The following ST8SIA6 variants were observed in gnomAD, a reference collection of about 807,000 sequenced individuals.
ST8SIA6 encodes alpha-2,8-sialyltransferase 8F.
ST8SIA6 carries 39 observed loss-of-function variants against 33.6 expected under a neutral mutation model. That is an observed-to-expected ratio of 1.16 (90% confidence interval 0.90 to 1.52). The LOEUF (loss-of-function observed/expected upper bound fraction) is 1.52, where lower values mean the gene tolerates loss of function less well. Among genes scored for constraint, ST8SIA6 ranks in the 40% most tolerant of loss-of-function variants. The pLI is 0.00. For synonymous variants in ST8SIA6, 172 were observed against 167.2 expected, an observed-to-expected ratio of 1.03 and a Z score of -0.22; for missense variants, 441 against 443.8, an observed-to-expected ratio of 0.99 and a Z score of 0.06.
rs951218812 is a variant in ST8SIA6, at chr10:17,317,289, T to C, written c.*3589A>G. 2.3e-4 allele frequency among the ~76,000 whole-genome samples: 35 copies of C among 152,156 alleles called. No individual in the cohort carries two copies. The highest frequency in any genetic ancestry group is 2.2e-3 in the Admixed American group (33 of 15,266). On this transcript the variant is annotated 3_prime_UTR_variant, in exon 8 of 8. Transcript: ENST00000377602. ...AAGAAGAATGCTTCTGGAAGAGTGA[T>C]GACCCAAAATAAGAAAGACCATGAG...
chr10:17,431,193 T>G (rs912803859), intron 2 of ST8SIA6, among the ~76,000 whole-genome samples: 8 of 152,224 alleles, frequency 5.3e-5, no homozygotes, highest in Non-Finnish European at 1.0e-4. Flanking sequence ...CTGCCACCTT[T>G]GGCCGACATG....
chr10:17,431,163 G>A (rs144214917), intron 2 of ST8SIA6, among the ~76,000 whole-genome samples: 6 of 152,236 alleles, frequency 3.9e-5, no homozygotes, highest in Middle Eastern at 3.4e-3. Context: ...TCTCAACTGT[G>A]ATGCAGACTG....
At chr10:17,440,610 C>T (rs1026909126) in intron 2 of ST8SIA6, among the ~76,000 whole-genome samples, 7 of 152,246 alleles carry the variant, frequency 4.6e-5, no homozygotes, top group Non-Finnish European at 7.4e-5. Flanking sequence ...TGCACTACAC[C>T]GGCTATGCAC....
intron 5 of ST8SIA6, among the ~76,000 whole-genome samples, chr10:17,330,393 T>A (rs1848258982): frequency 6.6e-6 from 1 of 152,200 alleles, no homozygotes; most frequent in South Asian, 2.1e-4. Context: ...TTCCTTATCA[T>A]CTTTTCAATC....
intron 3 of ST8SIA6, among the ~76,000 whole-genome samples, chr10:17,382,376 C>A (rs1450059414): frequency 6.6e-6 from 1 of 152,146 alleles, no homozygotes; most frequent in Non-Finnish European, 1.5e-5. Context: ...AGCAGTTCTC[C>A]TGCCTCGGCC....
At chr10:17,368,304 G>A (rs1424956751) in intron 3 of ST8SIA6, among the ~76,000 whole-genome samples, 1 of 145,314 alleles carries the variant, frequency 6.9e-6, no homozygotes, top group African/African-American at 2.6e-5. Flanking sequence ...CTACTCGTGA[G>A]GCTGAGGCAG....
At chr10:17,330,426 G>A (rs1356710734) in intron 5 of ST8SIA6, among the ~76,000 whole-genome samples, 2 of 152,074 alleles carry the variant, frequency 1.3e-5, no homozygotes, top group Non-Finnish European at 2.9e-5. Flanking sequence ...AGGGCGTCAT[G>A]AGAAAGCTTT....
chr10:17,378,448 A>C (rs190363227), intron 3 of ST8SIA6, among the ~76,000 whole-genome samples: 36 of 152,320 alleles, frequency 2.4e-4, no homozygotes, highest in Non-Finnish European at 4.4e-4. Context: ...CTGTCAAGGA[A>C]TATAGCCAGC....
chr10:17,416,134 A>G (rs1049673900), intron 2 of ST8SIA6, among the ~76,000 whole-genome samples: 1 of 152,038 alleles, frequency 6.6e-6, no homozygotes, highest in Non-Finnish European at 1.5e-5. Flanking sequence ...ATCTTTCAAG[A>G]ACACCTGACC....
rs1472781932 is a variant in ST8SIA6 at position 17,316,205 on chromosome 10, G to A, written c.*4673C>T. Among the ~76,000 whole-genome samples, 5 of 151,944 alleles carry A rather than the reference G, an allele frequency of 3.3e-5. No individual in the cohort carries two copies. Among genetic ancestry groups the A allele is most frequent in the East Asian group, 1.9e-4 (1 of 5,194 alleles). On this transcript the variant is annotated 3_prime_UTR_variant, in exon 8 of 8. Transcript: ENST00000377602. The stretch of plus-strand genomic sequence containing the variant: ...TGGGTACCCTTCTTGTATTTGACAC[G>A]TAGCCTTGAATATGTTTGTATGTAT...
At chr10:17,332,103 T>A (rs7069637) in intron 4 of ST8SIA6, among the ~76,000 whole-genome samples, 1 of 152,222 alleles carries the variant, frequency 6.6e-6, no homozygotes, top group Non-Finnish European at 1.5e-5. Flanking sequence ...TTCATCCATG[T>A]CCCTGCAAAG....
intron 2 of ST8SIA6, among the ~76,000 whole-genome samples, chr10:17,429,127 G>T (rs1852024548): frequency 6.6e-6 from 1 of 151,686 alleles, no homozygotes; most frequent in South Asian, 2.1e-4. Flanking sequence ...AGTATTAGTA[G>T]ATATATCTCT....
At chr10:17,326,308 G>A (rs1848127112) in intron 6 of ST8SIA6, among the ~76,000 whole-genome samples, 1 of 152,124 alleles carries the variant, frequency 6.6e-6, no homozygotes, top group African/African-American at 2.4e-5. Flanking sequence ...CTTACTCTTT[G>A]AAAAGGTGCA....
chr10:17,377,942 C>T (rs767292369), intron 3 of ST8SIA6, among the ~76,000 whole-genome samples: 11 of 152,246 alleles, frequency 7.2e-5, no homozygotes, highest in East Asian at 1.9e-4. Context: ...ACAATACAAC[C>T]GAAAAATTAG....
intron 3 of ST8SIA6, among the ~76,000 whole-genome samples, chr10:17,361,663 T>C (rs1849394174): frequency 1.4e-5 from 2 of 147,286 alleles, no homozygotes; most frequent in African/African-American, 2.5e-5. Context: ...CCCAACTCAC[T>C]ATATGAGAAC....
intron 3 of ST8SIA6, among the ~76,000 whole-genome samples, chr10:17,381,262 G>A (rs1013156119): frequency 1.3e-5 from 2 of 151,968 alleles, no homozygotes; most frequent in Admixed American, 1.3e-4. Context: ...TTCCTTTAAT[G>A]TGCAAACTTA....
chr10:17,328,000 G>C (rs962758744), intron 5 of ST8SIA6, among the ~76,000 whole-genome samples: 1 of 151,918 alleles, frequency 6.6e-6, no homozygotes, highest in African/African-American at 2.4e-5. Flanking sequence ...GACATCATAG[G>C]ATACACGGCA....
At chr10:17,433,425 A>G (rs1487995927) in intron 2 of ST8SIA6, among the ~76,000 whole-genome samples, 6 of 152,230 alleles carry the variant, frequency 3.9e-5, no homozygotes, top group Admixed American at 3.3e-4. Flanking sequence ...GGAAATTCCA[A>G]TTAAAACAAA....
chr10:17,354,842 C>T (rs1002638377), intron 4 of ST8SIA6, among the ~76,000 whole-genome samples: 2 of 152,132 alleles, frequency 1.3e-5, no homozygotes, highest in Non-Finnish European at 2.9e-5. Context: ...TTCCCAGAAA[C>T]GTGTACAAAA....
Sources: allele counts gnomAD v4.1 joint callset (sites outside exome capture counted in the v4.1 genomes callset), GRCh38; gene constraint gnomAD v4.1.1; transcripts MANE v1.5; gene names NCBI Gene and HGNC (gene_info 2026-07-23, HGNC 2026-07-21).